The following OGFRL1 variants were observed in gnomAD, a reference collection of about 807,000 sequenced individuals.
OGFRL1 encodes opioid growth factor receptor-like protein 1.
Under a neutral mutation model 32.4 loss-of-function variants are expected in OGFRL1, and 26 were observed. The observed-to-expected ratio is 0.80, with a 90% CI of 0.59 to 1.11. OGFRL1 has a LOEUF of 1.11. OGFRL1 is among the 50% of genes most tolerant of loss of function. The probability of loss-of-function intolerance (pLI) is 0.00; values close to 1 mark genes in which losing one functional copy is unlikely to be tolerated. For missense variants in OGFRL1, 521 were observed against 546.4 expected (o/e 0.95, Z 0.46); for synonymous variants, 211 against 201.2 (o/e 1.05, Z -0.41).
In OGFRL1 at chr6:71,289,145, ACGCCGAGGCGGCGGG is replaced by A. The variant is rs1765956631; in HGVS notation, c.217_231del (p.Ala73_Glu77del). On this transcript the variant is annotated inframe_deletion, in exon 1 of 7. Transcript: ENST00000370435. The stretch of plus-strand genomic sequence containing the variant: ...GGCGCCAGCCCCGCGCCGGACGAGG[ACGCCGAGGCGGCGGG>A]CGCCGAGCAGGTACGCGGCCCAGCG... 1.8e-6 allele frequency: 2 copies of A among 1,092,486 alleles called. No homozygotes were observed. Among genetic ancestry groups the A allele is most frequent in the Non-Finnish European group, 2.2e-6 (2 of 901,518 alleles). The allele number at this position is 1,092,486 out of a possible 1,614,324, so 67.7% of individuals were successfully genotyped here.
rs1228471974 is a variant in OGFRL1 at position 71,303,053 on chromosome 6, T to C, written c.*1004T>C. On this transcript the variant is annotated 3_prime_UTR_variant, in exon 7 of 7. Coordinates refer to ENST00000370435, the MANE Select transcript of OGFRL1 (RefSeq NM_024576.5). ...TATTCAGGGGTCCAGCATCTGTGGA[T>C]TCAACCAACCGCAGATTGAAAATAT... 6.6e-6 allele frequency: 1 copy of C among 152,168 alleles called. No individual in the cohort carries two copies. Among genetic ancestry groups the C allele is most frequent in the Non-Finnish European group, 1.5e-5 (1 of 68,040 alleles). The allele number at this position is 152,168 out of a possible 1,614,324, so 9.4% of individuals were successfully genotyped here.
rs1404317526 is a variant in OGFRL1 at position 71,306,267 on chromosome 6, GCTT to G, written c.*4222_*4224del. On this transcript the variant is annotated 3_prime_UTR_variant, in exon 7 of 7. Coordinates refer to ENST00000370435, the MANE Select transcript of OGFRL1 (RefSeq NM_024576.5). Reference sequence around the variant, plus strand: ...GAAAATTAGGAGTGTACATTTGCTGGCTTCTTTTTGAGTTTTGTACTGTTTATT... The same window carrying G: ...GAAAATTAGGAGTGTACATTTGCTGGCTTTTTGAGTTTTGTACTGTTTATT... The G allele has an allele frequency of 6.6e-6, 1 of 152,050 alleles. No individual in the cohort carries two copies. Among genetic ancestry groups the G allele is most frequent in the Non-Finnish European group, 1.5e-5 (1 of 68,024 alleles). 9.4% of individuals were successfully genotyped at this position (152,050 alleles called of 1,614,324 possible). A position where few individuals can be genotyped will look rare whatever the true frequency, so the allele number is the denominator to read the frequency against.
At chr6:71,298,531 A>G (rs1193654810) in intron 6 of OGFRL1, among the ~76,000 whole-genome samples, 1 of 152,210 alleles carries the variant, frequency 6.6e-6, no homozygotes, top group East Asian at 1.9e-4. Flanking sequence ...TTTTGTTATC[A>G]TATCCTCTGA....
chr6:71,302,210 T>C lies in OGFRL1; in HGVS notation c.*161T>C, dbSNP rs1000385780. The C allele has an allele frequency of 5.7e-6, 3 of 525,286 alleles. No homozygotes were observed. The highest frequency in any genetic ancestry group is 7.6e-5 in the Admixed American group (2 of 26,414). 32.5% of individuals were successfully genotyped at this position (525,286 alleles called of 1,614,324 possible). A position where few individuals can be genotyped will look rare whatever the true frequency, so the allele number is the denominator to read the frequency against. On this transcript the variant is annotated 3_prime_UTR_variant, in exon 7 of 7. Transcript: ENST00000370435. The stretch of plus-strand genomic sequence containing the variant: ...TTTGTTTTTTTATTTTGGATGACAA[T>C]GAATTGAATATCTAATAAGGAGATT...
At chr6:71,289,973 G>A (rs1765997098) in intron 1 of OGFRL1, among the ~76,000 whole-genome samples, 1 of 152,144 alleles carries the variant, frequency 6.6e-6, no homozygotes, top group Non-Finnish European at 1.5e-5. Flanking sequence ...AGCTAGGGGC[G>A]ATGGAGATTG....
rs1766112874 is a variant in OGFRL1 at position 71,293,543 on chromosome 6, A to G, written c.332A>G (p.Asp111Gly). ...TTTTTCCTTTAGCAGAACTTCAAAG[A>G]TATCCGATATCAAAATGACTTGAGC... Reference protein sequence around the residue: ...KYRHQYPNFKDIRYQNDLSNL... With the variant: ...KYRHQYPNFKGIRYQNDLSNL... The change falls in exon 3 of 7, where the codon GAT becomes GGT. Residue 111 changes from aspartate (D) to glycine (G), a missense_variant. Transcript: ENST00000370435. 6.2e-7 allele frequency: 1 copy of G among 1,612,592 alleles called. No homozygotes were observed. Among genetic ancestry groups the G allele is most frequent in the East Asian group, 2.2e-5 (1 of 44,842 alleles).
rs1479873882 is a variant in OGFRL1, at chr6:71,305,260, T to C, written c.*3211T>C. The C allele has an allele frequency of 3.3e-5, 5 of 152,066 alleles. No individual in the cohort carries two copies. The highest frequency in any genetic ancestry group is 9.6e-5 in the African/African-American group (4 of 41,454). 9.4% of individuals were successfully genotyped at this position (152,066 alleles called of 1,614,324 possible). A position where few individuals can be genotyped will look rare whatever the true frequency, so the allele number is the denominator to read the frequency against. On this transcript the variant is annotated 3_prime_UTR_variant, in exon 7 of 7. Coordinates refer to ENST00000370435, the MANE Select transcript of OGFRL1 (RefSeq NM_024576.5). ...GATTAGTCTAGAACATTTCTAATAT[T>C]TTGTGCTTTCATATATCAAAGGAGA... is the stretch of plus-strand genomic sequence containing the variant.
intron 5 of OGFRL1, 47 bp downstream of exon 5, chr6:71,296,608 G>C: frequency 6.2e-7 from 1 of 1,606,614 alleles, no homozygotes. Flanking sequence ...AAATAATATT[G>C]CTATTTCACT....
chr6:71,303,592 CAGT>C lies in OGFRL1; in HGVS notation c.*1547_*1549del, dbSNP rs1350674262. 6.6e-6 allele frequency: 1 copy of C among 152,120 alleles called. No individual in the cohort carries two copies. Among genetic ancestry groups the C allele is most frequent in the Non-Finnish European group, 1.5e-5 (1 of 68,020 alleles). 9.4% of individuals were successfully genotyped at this position (152,120 alleles called of 1,614,324 possible). A position where few individuals can be genotyped will look rare whatever the true frequency, so the allele number is the denominator to read the frequency against. ...CATGCCTCTTGCACTGTGAACAAGA[CAGT>C]AGTCCCTTAAACCATGAATATGTCA... On this transcript the variant is annotated 3_prime_UTR_variant, in exon 7 of 7. Transcript: ENST00000370435.
Position 71,301,552 on chromosome 6 carries a change from A to G in OGFRL1, c.859A>G (p.Ile287Val), listed in dbSNP as rs371570884. 3 of 1,614,204 alleles carry G rather than the reference A, an allele frequency of 1.9e-6. No homozygotes were observed. Among genetic ancestry groups the G allele is most frequent in the African/African-American group, 1.3e-5 (1 of 75,054 alleles). Residue 287 changes from isoleucine (I) to valine (V), a missense_variant, in exon 7 of 7, where the codon ATT (isoleucine) becomes GTT (valine). Physicochemically the swap from Ile to Val is conservative, Grantham distance 29 (BLOSUM62 3). Transcript: ENST00000370435. ...QSALEYFVYT[I>V]RDRRERRKLL... ...TGCTCTAGAGTATTTTGTTTATACA[A>G]TTAGAGACAGAAGAGAAAGGAGAAA... is the stretch of plus-strand genomic sequence containing the variant.
At chr6:71,294,914 T>G (rs1766156273) in intron 3 of OGFRL1, among the ~76,000 whole-genome samples, 1 of 152,204 alleles carries the variant, frequency 6.6e-6, no homozygotes, top group South Asian at 2.1e-4. Flanking sequence ...TGATAGTATT[T>G]AACTCTATTT....
At chr6:71,301,042 C>T (rs918008021) in intron 6 of OGFRL1, among the ~76,000 whole-genome samples, 1 of 152,140 alleles carries the variant, frequency 6.6e-6, no homozygotes, top group Non-Finnish European at 1.5e-5. Context: ...CAAATAAATG[C>T]TCTGTTAGAT....
chr6:71,296,917 C>T, intron 6 of OGFRL1, 100 bp downstream of exon 6: 1 of 1,344,428 alleles, frequency 7.4e-7, no homozygotes, highest in South Asian at 1.5e-5. Context: ...ATGAGATGGG[C>T]CCAGGAATTT....
At chr6:71,299,534 C>T (rs1399183426) in intron 6 of OGFRL1, among the ~76,000 whole-genome samples, 1 of 152,102 alleles carries the variant, frequency 6.6e-6, no homozygotes, top group African/African-American at 2.4e-5. Context: ...CTAAGATTGG[C>T]TATATAAAAT....
Position 71,289,040 on chromosome 6 carries a change from G to C in OGFRL1, c.104G>C (p.Gly35Ala). The change falls in exon 1 of 7, where the codon GGG becomes GCG. Residue 35 changes from glycine to alanine, a missense_variant. Physicochemically the swap from Gly to Ala is moderately conservative, Grantham distance 60. Coordinates refer to ENST00000370435, the MANE Select transcript of OGFRL1 (RefSeq NM_024576.5). Reference sequence around the variant, plus strand: ...TCGGAGCCCGAGCCCGAAGAACCAGGGCCGGGCGGCGGCAGCGAGGGCCCG... The same window carrying C: ...TCGGAGCCCGAGCCCGAAGAACCAGCGCCGGGCGGCGGCAGCGAGGGCCCG... Reference protein sequence around the residue: ...TDSEPEPEEPGPGGGSEGPGQ... With the variant: ...TDSEPEPEEPAPGGGSEGPGQ... 1 of 1,315,842 alleles carries C rather than the reference G, an allele frequency of 7.6e-7. No homozygotes were observed. Among genetic ancestry groups the C allele is most frequent in the South Asian group, 1.6e-5 (1 of 63,094 alleles). 81.5% of individuals were successfully genotyped at this position (1,315,842 alleles called of 1,614,324 possible).
chr6:71,296,250 T>C, intron 3 of OGFRL1, 67 bp from the exon 4 acceptor site: 1 of 1,077,788 alleles, frequency 9.3e-7, no homozygotes, highest in Non-Finnish European at 1.4e-6. Flanking sequence ...ACTCAAGTGA[T>C]TCGAATCTTA....
At position 71,296,329 on chromosome 6, in the gene OGFRL1, A is replaced by C; in HGVS notation, c.413A>C (p.Glu138Ala). The C allele has an allele frequency of 6.2e-7, 1 of 1,603,612 alleles. No individual in the cohort carries two copies. Among genetic ancestry groups the C allele is most frequent in the South Asian group, 1.1e-5 (1 of 90,346 alleles). Residue 138 changes from glutamate to alanine, a missense_variant, in exon 4 of 7, where the codon GAA (glutamate) becomes GCA (alanine). Transcript: ENST00000370435. ...IPFKPDGVYI[E>A]EVLSKWKGDY... The stretch of plus-strand genomic sequence containing the variant: ...ATTTACTATTTAGGTGTTTACATTG[A>C]AGAAGTTCTAAGTAAATGGAAAGGA...
intron 6 of OGFRL1, among the ~76,000 whole-genome samples, chr6:71,297,851 G>A (rs1465221832): frequency 6.6e-5 from 10 of 151,238 alleles, no homozygotes; most frequent in East Asian, 1.9e-4. Context: ...TGTGCACAAC[G>A]TGCAGGTTAG....
In OGFRL1 at chr6:71,296,829, C is replaced by T; in HGVS notation, c.692+12C>T. On this transcript the variant is annotated intron_variant, in intron 6 of 6. Transcript: ENST00000370435. ...CAGCATCTGAATGAGTAAGTAAAGC[C>T]CCTGTGATAAATCAGGGGCCAGCAC... is the stretch of plus-strand genomic sequence containing the variant. 6.2e-7 allele frequency: 1 copy of T among 1,608,098 alleles called. No individual in the cohort carries two copies. Among genetic ancestry groups the T allele is most frequent in the Non-Finnish European group, 8.5e-7 (1 of 1,178,078 alleles).
Sources: allele counts gnomAD v4.1 joint callset (sites outside exome capture counted in the v4.1 genomes callset), GRCh38; gene constraint gnomAD v4.1.1; transcripts MANE v1.5; gene names NCBI Gene and HGNC (gene_info 2026-07-23, HGNC 2026-07-21).